Variants in DNAH5 observed in about 807,000 individuals in gnomAD.
DNAH5 encodes the protein axonemal beta dynein heavy chain 5.
A neutral mutation model predicts 518.2 loss-of-function variants in DNAH5; 372 were observed. That is an observed-to-expected ratio of 0.72 (90% confidence interval 0.66 to 0.78). The LOEUF (loss-of-function observed/expected upper bound fraction) is 0.78, where lower values mean the gene tolerates loss of function less well. Ranked by LOEUF, DNAH5 falls within the 30% of genes least tolerant of loss-of-function variation. DNAH5 has a pLI of 0.00. For synonymous variants in DNAH5, 2,039 were observed against 2,025.9 expected (o/e 1.01, Z -0.17); for missense variants, 5,523 against 5,687.0 (o/e 0.97, Z 0.93).
chr5:13,830,781 T>C lies in DNAH5; in HGVS notation c.5883-6A>G, dbSNP rs763588282. On this transcript the variant is annotated splice_region_variant and splice_polypyrimidine_tract_variant and intron_variant, in intron 35 of 78. Transcript: ENST00000265104. Reference sequence around the variant, plus strand: ...GAGCCAGCGTGATGTAACATCTGCATGGGTAGAAACATCACTAGAACCAGC... The same window carrying C: ...GAGCCAGCGTGATGTAACATCTGCACGGGTAGAAACATCACTAGAACCAGC... 5.6e-6 allele frequency: 9 copies of C among 1,613,902 alleles called. No individual in the cohort carries two copies. Among genetic ancestry groups the C allele is most frequent in the African/African-American group, 1.3e-5 (1 of 74,898 alleles).
intron 1 of DNAH5, among the ~76,000 whole-genome samples, chr5:13,975,526 AT>A (rs1782179845): frequency 6.6e-6 from 1 of 152,210 alleles, no homozygotes. Context: ...AGAAGACAGA[AT>A]GGACAGGGCG....
At chr5:13,756,354 C>T (rs13154770) in intron 61 of DNAH5, among the ~76,000 whole-genome samples, 13,854 of 151,886 alleles carry the variant, frequency 0.091, 874 homozygotes, top group Non-Finnish European at 0.12. Context: ...TTTTTTAATA[C>T]GGAATTTGAC....
chr5:13,968,562 T>A (rs1457901058), intron 1 of DNAH5, among the ~76,000 whole-genome samples: 1 of 152,236 alleles, frequency 6.6e-6, no homozygotes, highest in Non-Finnish European at 1.5e-5. Flanking sequence ...TCTGCATCTA[T>A]TGAGATGATC....
At chr5:13,784,193 T>C (rs1233212351) in intron 52 of DNAH5, among the ~76,000 whole-genome samples, 4 of 152,240 alleles carry the variant, frequency 2.6e-5, no homozygotes, top group African/African-American at 9.6e-5. Flanking sequence ...ATTCAGATTC[T>C]GTCTCCAGCA....
intron 70 of DNAH5, 122 bp from the exon 71 acceptor site, chr5:13,721,367 G>A (rs1055035217): frequency 5.2e-6 from 6 of 1,160,180 alleles, no homozygotes; most frequent in Non-Finnish European, 7.6e-6. Context: ...AACCCTGTCA[G>A]GCAAACAGGG....
chr5:13,722,999 C>G (rs1265461022), intron 70 of DNAH5, among the ~76,000 whole-genome samples: 6 of 152,192 alleles, frequency 3.9e-5, no homozygotes, highest in Admixed American at 2.0e-4. Flanking sequence ...AGCACCTTGG[C>G]CCCTCACTCA....
intron 47 of DNAH5, among the ~76,000 whole-genome samples, chr5:13,797,570 A>G (rs1758021281): frequency 6.6e-6 from 1 of 152,178 alleles, no homozygotes; most frequent in South Asian, 2.1e-4. Flanking sequence ...GCTGGAAAGG[A>G]TGTGGAGAAA....
intron 15 of DNAH5, 28 bp downstream of exon 15, chr5:13,900,178 A>T: frequency 6.3e-7 from 1 of 1,577,334 alleles, no homozygotes; most frequent in South Asian, 1.1e-5. Flanking sequence ...CTAGCCAAGA[A>T]TGGGGGGAAA....
At chr5:13,994,808 C>T (rs966405651) in intron 1 of DNAH5, among the ~76,000 whole-genome samples, 5 of 152,172 alleles carry the variant, frequency 3.3e-5, no homozygotes, top group Admixed American at 1.3e-4. Flanking sequence ...CTGCCATTAC[C>T]GCATTTGCCT....
At chr5:13,824,098 T>C (rs529162869) in intron 39 of DNAH5, 101 bp downstream of exon 39, 1 of 1,257,228 alleles carries the variant, frequency 8.0e-7, no homozygotes, top group South Asian at 1.2e-5. Flanking sequence ...AATTAGGCAT[T>C]TTAAATGAGC....
intron 75 of DNAH5, among the ~76,000 whole-genome samples, chr5:13,711,871 G>T (rs1346435456): frequency 2.0e-5 from 3 of 152,152 alleles, no homozygotes; most frequent in Non-Finnish European, 4.4e-5. Flanking sequence ...AGAAATCACA[G>T]ACAACACAAA....
At chr5:13,726,609 A>G (rs930819690) in intron 70 of DNAH5, among the ~76,000 whole-genome samples, 2 of 152,226 alleles carry the variant, frequency 1.3e-5, no homozygotes, top group African/African-American at 4.8e-5. Context: ...GAAACTGAGA[A>G]GAAAAACTGA....
At position 13,839,351 on chromosome 5, in the gene DNAH5, A is replaced by G. The variant is rs768193413; in HGVS notation, c.5882+5T>C. Reference sequence around the variant, plus strand: ...GGTGGGGGTTGGGGAGAAGGGTTCCATCACCTGTCTGTAAGTGGAGTTATT... The same window carrying G: ...GGTGGGGGTTGGGGAGAAGGGTTCCGTCACCTGTCTGTAAGTGGAGTTATT... On this transcript the variant is annotated splice_donor_5th_base_variant and intron_variant, in intron 35 of 78. Transcript: ENST00000265104. 2.5e-6 allele frequency: 4 copies of G among 1,613,876 alleles called. No homozygotes were observed. The South Asian group carries it at 4.4e-5, about 18-fold the overall frequency.
intron 78 of DNAH5, among the ~76,000 whole-genome samples, chr5:13,695,493 C>T (rs909209905): frequency 2.0e-5 from 3 of 152,134 alleles, no homozygotes; most frequent in Admixed American, 6.5e-5. Flanking sequence ...CCAGGAACTA[C>T]GAGGACATGT....
At chr5:13,715,709 C>A (rs1487632275) in intron 74 of DNAH5, among the ~76,000 whole-genome samples, 1 of 152,156 alleles carries the variant, frequency 6.6e-6, no homozygotes, top group Non-Finnish European at 1.5e-5. Flanking sequence ...ACGCAGTCAC[C>A]TTGAAAATCA....
In DNAH5 at chr5:13,817,572, T is replaced by C; in HGVS notation, c.6964A>G (p.Arg2322Gly). 1 of 1,614,172 alleles carries C rather than the reference T, an allele frequency of 6.2e-7. No homozygotes were observed. Among genetic ancestry groups the C allele is most frequent in the Non-Finnish European group, 8.5e-7 (1 of 1,180,008 alleles). The change falls in exon 42 of 79, where the codon AGG becomes GGG. Residue 2322 changes from arginine (R) to glycine (G), a missense_variant. By Grantham distance (125) the Arg-to-Gly change is moderately radical. Around this residue, in one of 3 missense-constraint regions of DNAH5, gnomAD observed 5,121 missense variants for 5,223.3 expected, o/e 0.98. Transcript: ENST00000265104. Reference protein sequence around the residue: ...WTDGIFSTLWRKTLRAKKGEH... With the variant: ...WTDGIFSTLWGKTLRAKKGEH... ...CCTTTCTTTGCTCTTAATGTTTTCC[T>C]CCAAAGCGTAGAAAATATCCCATCA...
At chr5:13,832,644 C>G (rs1763822891) in intron 35 of DNAH5, among the ~76,000 whole-genome samples, 1 of 152,208 alleles carries the variant, frequency 6.6e-6, no homozygotes, top group Non-Finnish European at 1.5e-5. Flanking sequence ...GCTATAAACT[C>G]TCTGCGGTCA....
At chr5:13,805,853 G>A (rs764373964) in intron 47 of DNAH5, among the ~76,000 whole-genome samples, 10 of 152,184 alleles carry the variant, frequency 6.6e-5, no homozygotes, top group Non-Finnish European at 1.5e-4. Context: ...CTTGGTCAGA[G>A]GTATGGGTCT....
chr5:13,737,995 A>T (rs1004279102), intron 65 of DNAH5, among the ~76,000 whole-genome samples: 1 of 152,038 alleles, frequency 6.6e-6, no homozygotes, highest in African/African-American at 2.4e-5. Flanking sequence ...CCAGGGAGGC[A>T]GAGGTTGCAG....
Sources: allele counts gnomAD v4.1 joint callset (sites outside exome capture counted in the v4.1 genomes callset), GRCh38; gene constraint gnomAD v4.1.1; regional missense constraint gnomAD v4.1.1; transcripts MANE v1.5; gene names NCBI Gene and HGNC (gene_info 2026-07-23, HGNC 2026-07-21).